The following PRAMEF4 variants were observed in gnomAD, a reference collection of about 807,000 sequenced individuals.
PRAMEF4 encodes the protein RP5-845O24.6.
Under a neutral mutation model 34.4 loss-of-function variants are expected in PRAMEF4, and 18 were observed. The observed-to-expected ratio is 0.52, with a 90% CI of 0.36 to 0.78. The LOEUF is 0.78. Ranked by LOEUF, PRAMEF4 falls within the 30% of genes least tolerant of loss-of-function variation. PRAMEF4 has a pLI of 0.00. For missense variants in PRAMEF4, 482 were observed against 569.1 expected (o/e 0.85, Z 1.56); for synonymous variants, 156 against 219.3 (o/e 0.71, Z 2.55).
rs1463603946 is a variant in PRAMEF4 at position 12,884,586 on chromosome 1, G to C, written c.-16-1176C>G. On this transcript the variant is annotated intron_variant, in intron 1 of 3. Coordinates refer to ENST00000235349, the MANE Select transcript of PRAMEF4 (RefSeq NM_001009611.4). ...AAAAATTAGCCAGGTGCAGTGGTCT[G>C]CGCCTGTAGTCCAAGCTACTAGGGA... Among the ~76,000 whole-genome samples the C allele has an allele frequency of 3.4e-5, 5 of 146,904 alleles. 1 individual carries two copies. Among genetic ancestry groups the C allele is most frequent in the Non-Finnish European group, 6.0e-5 (4 of 66,802 alleles).
intron 1 of PRAMEF4, among the ~76,000 whole-genome samples, chr1:12,885,004 A>G (rs1041920521): frequency 5.8e-4 from 87 of 150,652 alleles, no homozygotes; most frequent in Middle Eastern, 3.4e-3. Context: ...TTGTTGAGGG[A>G]TCCTTGGCCA....
At chr1:12,885,978 G>A in intron 1 of PRAMEF4, among the ~76,000 whole-genome samples, 169 bp downstream of exon 1, 2 of 73,082 alleles carry the variant, frequency 2.7e-5, no homozygotes, top group Non-Finnish European at 4.9e-5. Context: ...TTGAAATAAA[G>A]ACAGAACTGC....
Position 12,882,082 on chromosome 1 carries a change from C to A in PRAMEF4, c.647G>T (p.Cys216Phe). ...LDCIQEVEVN[C>F]KWVLPILTQF... ...TGTCAGGATGGGCAGTACCCACTTG[C>A]AATTCACTTCCACCTCCTGGATACA... Residue 216 changes from cysteine (C) to phenylalanine (F), a missense_variant, in exon 3 of 4, where the codon TGC becomes TTC. By Grantham distance (205) the Cys-to-Phe change is radical. Transcript: ENST00000235349. 6.3e-7 allele frequency: 1 copy of A among 1,587,508 alleles called. No individual in the cohort carries two copies. Among genetic ancestry groups the A allele is most frequent in the Non-Finnish European group, 8.5e-7 (1 of 1,172,520 alleles).
rs2359269 is a variant in PRAMEF4 at position 12,879,676 on chromosome 1, T to A, written c.1305A>T (p.Gln435His). ...CTCTGTTCATCAGCTCAGCCCTAAT[T>A]TGAGCAAATCTGCTCCAGCAGAGAG... ...DGTLCWSRFA[Q>H]IRAELMNRVR... Residue 435 changes from glutamine to histidine, a missense_variant, in exon 4 of 4, where the codon CAA (glutamine) becomes CAT (histidine). Physicochemically the swap from Gln to His is conservative, Grantham distance 24 (BLOSUM62 0). This residue lies in a region of PRAMEF4 where 116 missense variants were observed against 105.2 expected (regional missense o/e 1.10). Coordinates refer to ENST00000235349, the MANE Select transcript of PRAMEF4 (RefSeq NM_001009611.4). 3.7e-6 allele frequency: 6 copies of A among 1,601,988 alleles called. No individual in the cohort carries two copies. In the African/African-American group the frequency reaches 8.2e-5, roughly 22 times the overall value.
chr1:12,882,082 C>T lies in PRAMEF4; in HGVS notation c.647G>A (p.Cys216Tyr), dbSNP rs750699566. The T allele has an allele frequency of 3.1e-6, 5 of 1,587,508 alleles. No homozygotes were observed. Among genetic ancestry groups the T allele is most frequent in the Non-Finnish European group, 4.3e-6 (5 of 1,172,520 alleles). Residue 216 changes from cysteine to tyrosine, a missense_variant, in exon 3 of 4, where the codon TGC (cysteine) becomes TAC (tyrosine). Cys to Tyr is a radical substitution (Grantham distance 194). Around this residue, in one of 6 missense-constraint regions of PRAMEF4, gnomAD observed 81 missense variants for 73.1 expected, o/e 1.11. Transcript: ENST00000235349. ...LDCIQEVEVN[C>Y]KWVLPILTQF... is the part of the protein sequence containing the mutation. ...TGTCAGGATGGGCAGTACCCACTTG[C>T]AATTCACTTCCACCTCCTGGATACA...
At chr1:12,882,593 G>GTTT (rs1201787739) in intron 2 of PRAMEF4, among the ~76,000 whole-genome samples, 158 bp from the exon 3 acceptor site, 1 of 145,970 alleles carries the variant, frequency 6.9e-6, no homozygotes. Context: ...CTTCCACATT[G>GTTT]TTTTGTTTTT....
rs925080510 is a variant in PRAMEF4, at chr1:12,883,701, A to T, written c.-16-291T>A. ...AGGAACCTGAAAGTGAACCCCTCCT[A>T]CCATTGGGGGAAACTACTAATTACT... On this transcript the variant is annotated intron_variant, in intron 1 of 3. Coordinates refer to ENST00000235349, the MANE Select transcript of PRAMEF4 (RefSeq NM_001009611.4). 1.3e-4 allele frequency among the ~76,000 whole-genome samples: 19 copies of T among 147,608 alleles called. 2 individuals are homozygous for T. The highest frequency in any genetic ancestry group is 3.5e-3 in the Middle Eastern group (1 of 286).
rs575006402 is a variant in PRAMEF4, at chr1:12,886,057, C to T, written c.-17+90G>A. The T allele has an allele frequency of 3.9e-5, 5 of 129,110 alleles. 1 individual carries two copies. The highest frequency in any genetic ancestry group is 8.0e-5 in the Non-Finnish European group (5 of 62,576). 8.0% of individuals were successfully genotyped at this position (129,110 alleles called of 1,614,324 possible). A position where few individuals can be genotyped will look rare whatever the true frequency, so the allele number is the denominator to read the frequency against. ...AAAAAAAAAAAAGGACAGGATATAG[C>T]TCTGTGCCATCGTAGGCTGCACTGT... On this transcript the variant is annotated intron_variant, in intron 1 of 3. Coordinates refer to ENST00000235349, the MANE Select transcript of PRAMEF4 (RefSeq NM_001009611.4).
chr1:12,882,815 C>T (rs1208217006), intron 2 of PRAMEF4, among the ~76,000 whole-genome samples: 9 of 147,638 alleles, frequency 6.1e-5, no homozygotes, highest in Non-Finnish European at 1.2e-4. Flanking sequence ...GCCTCCAACT[C>T]TTGACCTCAG....
intron 3 of PRAMEF4, among the ~76,000 whole-genome samples, chr1:12,881,106 C>T (rs1354346121): frequency 6.7e-6 from 1 of 148,176 alleles, no homozygotes; most frequent in East Asian, 2.0e-4. Flanking sequence ...TAGCTCTCGC[C>T]TATAATCCCA....
At chr1:12,881,260 G>C (rs201748790) in intron 3 of PRAMEF4, among the ~76,000 whole-genome samples, 1 of 148,272 alleles carries the variant, frequency 6.7e-6, no homozygotes, top group African/African-American at 2.5e-5. Flanking sequence ...CAGGCACTCA[G>C]GAGGCTGAGG....
Position 12,879,655 on chromosome 1 carries a change from G to C in PRAMEF4, c.1326C>G (p.Asn442Lys), listed in dbSNP as rs2359268. Residue 442 changes from asparagine to lysine, a missense_variant, in exon 4 of 4, where the codon AAC becomes AAG. Asn to Lys is a moderately conservative substitution (Grantham distance 94, BLOSUM62 0). Transcript: ENST00000235349. ...TGGGGTGCCTTAAGTCCCTCACTCT[G>C]TTCATCAGCTCAGCCCTAATTTGAG... Reference protein sequence around the residue: ...RFAQIRAELMNRVRDLRHPKR... With the variant: ...RFAQIRAELMKRVRDLRHPKR... 0.1 allele frequency: 157,510 copies of C among 1,568,590 alleles called. 15,273 individuals are homozygous for C. Among genetic ancestry groups the C allele is most frequent in the Middle Eastern group, 0.12 (563 of 4,758 alleles).
intron 1 of PRAMEF4, among the ~76,000 whole-genome samples, chr1:12,885,391 C>T (rs1640982428): frequency 1.3e-5 from 2 of 149,862 alleles, no homozygotes; most frequent in South Asian, 4.3e-4. Flanking sequence ...GAGTGTCTCT[C>T]TTTTGCCCAG....
intron 1 of PRAMEF4, among the ~76,000 whole-genome samples, chr1:12,884,208 G>T (rs1640950584): frequency 2.0e-5 from 3 of 147,196 alleles, no homozygotes. Flanking sequence ...AAAGACAGTG[G>T]ATTTCGCTAT....
chr1:12,880,358 T>C (rs1457568537), intron 3 of PRAMEF4, among the ~76,000 whole-genome samples: 1 of 150,532 alleles, frequency 6.6e-6, no homozygotes, highest in Non-Finnish European at 1.5e-5. Flanking sequence ...GGTGGATTCC[T>C]TGAGATCAGG....
At chr1:12,882,805 G>A (rs1367325136) in intron 2 of PRAMEF4, among the ~76,000 whole-genome samples, 1 of 147,562 alleles carries the variant, frequency 6.8e-6, no homozygotes, top group Non-Finnish European at 1.5e-5. Context: ...GGACAGGCTG[G>A]CCTCCAACTC....
rs561361485 is a variant in PRAMEF4, at chr1:12,881,427, T to A, written c.875+427A>T. ...GTTTATTCATTTCTGACAGGGGTCT[T>A]GGTATGTTAGCCAGACTGGTCTTAA... On this transcript the variant is annotated intron_variant, in intron 3 of 3. Coordinates refer to ENST00000235349, the MANE Select transcript of PRAMEF4 (RefSeq NM_001009611.4). 2.0e-5 allele frequency among the ~76,000 whole-genome samples: 3 copies of A among 149,416 alleles called. No individual in the cohort carries two copies. In the South Asian group the frequency reaches 6.4e-4, roughly 32 times the overall value.
chr1:12,884,490 G>A (rs1640957038), intron 1 of PRAMEF4, among the ~76,000 whole-genome samples: 1 of 148,712 alleles, frequency 6.7e-6, no homozygotes, highest in South Asian at 2.1e-4. Context: ...CGAGGCAGGT[G>A]GATCATCTGA....
Position 12,883,907 on chromosome 1 carries a change from TCTCTCCCTCCCTTCTTTCTTTCTTTCCCC to T in PRAMEF4, c.-16-526_-16-498del, listed in dbSNP as rs1158239093. Among the ~76,000 whole-genome samples the T allele has an allele frequency of 3.5e-5, 5 of 143,394 alleles. 1 individual carries two copies. The highest frequency in any genetic ancestry group is 1.0e-4 in the African/African-American group (4 of 38,612). 94.1% of individuals were successfully genotyped at this position (143,394 alleles called of 152,430 possible). A position where few individuals can be genotyped will look rare whatever the true frequency, so the allele number is the denominator to read the frequency against. ...TCTCTTTCTTCTTTCCTTCTTTCCC[TCTCTCCCTCCCTTCTTTCTTTCTTTCCCC>T]CTCTCTCTCCCTTTTTTCTTTCTTG... On this transcript the variant is annotated intron_variant, in intron 1 of 3. Transcript: ENST00000235349.
Sources: gnomAD v4.1 joint callset for allele counts (sites outside exome capture counted in the v4.1 genomes callset) on GRCh38, gnomAD v4.1.1 for gene constraint, gnomAD v4.1.1 regional missense constraint, MANE v1.5 for transcripts, NCBI Gene and HGNC (gene_info 2026-07-23, HGNC 2026-07-21) for gene names.